The following PPP1R15B variants were observed in gnomAD, a reference collection of about 807,000 sequenced individuals.
PPP1R15B encodes protein phosphatase 1 regulatory subunit 15B.
Under a neutral mutation model 53.9 loss-of-function variants are expected in PPP1R15B, and 31 were observed. That is an observed-to-expected ratio of 0.58 (90% confidence interval 0.43 to 0.78). The LOEUF is 0.78. Ranked by LOEUF, PPP1R15B falls within the 30% of genes least tolerant of loss-of-function variation. The pLI is 0.00. For synonymous variants in PPP1R15B, 345 were observed against 329.1 expected, an observed-to-expected ratio of 1.05 and a Z score of -0.52; for missense variants, 928 against 849.6, an observed-to-expected ratio of 1.09 and a Z score of -1.15.
Position 204,404,328 on chromosome 1 carries a change from A to G in PPP1R15B, c.*1764T>C. On this transcript the variant is annotated 3_prime_UTR_variant, in exon 2 of 2. Coordinates refer to ENST00000367188, the MANE Select transcript of PPP1R15B (RefSeq NM_032833.5). ...GAAACCCCGTCTCTACTAAAAAGACACAAAAAATTAGCCGGGCGTGGTGGT... is the reference window on the plus strand; with the variant it reads ...GAAACCCCGTCTCTACTAAAAAGACGCAAAAAATTAGCCGGGCGTGGTGGT... 1.6e-6 allele frequency: 1 copy of G among 642,948 alleles called. No individual in the cohort carries two copies. The highest frequency in any genetic ancestry group is 7.9e-4 in the Middle Eastern group (1 of 1,268). 39.8% of individuals were successfully genotyped at this position (642,948 alleles called of 1,614,324 possible). A position where few individuals can be genotyped will look rare whatever the true frequency, so the allele number is the denominator to read the frequency against.
chr1:204,410,340 G>T lies in PPP1R15B; in HGVS notation c.1072C>A (p.Gln358Lys), dbSNP rs756468854. 9 of 1,614,032 alleles carry T rather than the reference G, an allele frequency of 5.6e-6. No individual in the cohort carries two copies. The highest frequency in any genetic ancestry group is 7.6e-6 in the Non-Finnish European group (9 of 1,180,028). ...TCTATTTTTTCTTCAGTGGATTCCT[G>T]GGTGTTTCCAGGAATGTCTCCAGCA... ...PAAGDIPGNT[Q>K]ESTEEKIELL... Residue 358 changes from glutamine (Q) to lysine (K), a missense_variant, in exon 1 of 2, where the codon CAG (glutamine) becomes AAG (lysine). Coordinates refer to ENST00000367188, the MANE Select transcript of PPP1R15B (RefSeq NM_032833.5).
rs372507902 is a variant in PPP1R15B, at chr1:204,410,819, C to T, written c.593G>A (p.Arg198Gln). The change falls in exon 1 of 2, where the codon CGG becomes CAG. Residue 198 changes from arginine (R) to glutamine (Q), a missense_variant. Physicochemically the swap from Arg to Gln is conservative, Grantham distance 43. Transcript: ENST00000367188. ...CCCAGAGGGCGAAGAGCCAAGTTCCCGGTTAGAGTACAGACGGGATTGAAG... is the reference window on the plus strand; with the variant it reads ...CCCAGAGGGCGAAGAGCCAAGTTCCTGGTTAGAGTACAGACGGGATTGAAG... ...SSLQSRLYSN[R>Q]ELGSSPSGPL... 6.2e-7 allele frequency: 1 copy of T among 1,614,068 alleles called. No homozygotes were observed.
At chr1:204,398,692 G>C (rs1037190849), downstream of PPP1R15B, among the ~76,000 whole-genome samples, 3 of 152,100 alleles carry the variant, frequency 2.0e-5, no homozygotes, top group African/African-American at 7.2e-5. Context: ...TGTAATAACA[G>C]GTGTCCATCA....
chr1:204,410,414 C>T lies in PPP1R15B; in HGVS notation c.998G>A (p.Arg333Gln). Residue 333 changes from arginine (R) to glutamine (Q), a missense_variant, in exon 1 of 2, where the codon CGG becomes CAG. Arg to Gln is a conservative substitution (Grantham distance 43). Transcript: ENST00000367188. ...ATCTCTGCAGTGTTTTGGATCCATC[C>T]GGAGAAGGCTGTGTTCCTCCTCCAG... ...HSLEEEHSLL[R>Q]MDPKHCRDNP... 1.2e-6 allele frequency: 2 copies of T among 1,614,180 alleles called. No individual in the cohort carries two copies. The highest frequency in any genetic ancestry group is 1.7e-6 in the Non-Finnish European group (2 of 1,180,032).
In PPP1R15B at chr1:204,403,551, C is replaced by A; in HGVS notation, c.*2541G>T. ...CTAACTTTACCTTCCTTAAATTATA[C>A]AAAAATAAAATCTGATAGTTTTGAT... On this transcript the variant is annotated 3_prime_UTR_variant, in exon 2 of 2. Transcript: ENST00000367188. 1 of 980,538 alleles carries A rather than the reference C, an allele frequency of 1.0e-6. No homozygotes were observed. The highest frequency in any genetic ancestry group is 1.2e-6 in the Non-Finnish European group (1 of 825,154). The allele number at this position is 980,538 out of a possible 1,614,324, so 60.7% of individuals were successfully genotyped here. A position where few individuals can be genotyped will look rare whatever the true frequency, so the allele number is the denominator to read the frequency against.
At position 204,410,150 on chromosome 1, in the gene PPP1R15B, C is replaced by A; in HGVS notation, c.1262G>T (p.Cys421Phe). ...GDLPISARPA[C>F]SNKLIDYILG... ...AATATAATCTATCAGTTTGTTACTA[C>A]AAGCTGGTCTGGCAGAAATGGGAAG... Residue 421 changes from cysteine to phenylalanine, a missense_variant, in exon 1 of 2, where the codon TGT becomes TTT. By Grantham distance (205) the Cys-to-Phe change is radical. Coordinates refer to ENST00000367188, the MANE Select transcript of PPP1R15B (RefSeq NM_032833.5). The A allele has an allele frequency of 6.2e-7, 1 of 1,613,986 alleles. No individual in the cohort carries two copies. Among genetic ancestry groups the A allele is most frequent in the Non-Finnish European group, 8.5e-7 (1 of 1,180,036 alleles).
At chr1:204,408,133 T>G (rs1030659776) in intron 1 of PPP1R15B, among the ~76,000 whole-genome samples, 1 of 152,222 alleles carries the variant, frequency 6.6e-6, no homozygotes, top group East Asian at 1.9e-4. Flanking sequence ...TATTATTATT[T>G]TACCCATCAA....
rs1674259315 is a variant in PPP1R15B, at chr1:204,406,079, A to G, written c.*13T>C. 1 of 1,613,748 alleles carries G rather than the reference A, an allele frequency of 6.2e-7. No individual in the cohort carries two copies. The highest frequency in any genetic ancestry group is 1.1e-5 in the South Asian group (1 of 91,082). Reference sequence around the variant, plus strand: ...GAGGTAGTGTATGCTAGCTAGGACTACAGGCTGCCAACTCAACATTGCTTG... The same window carrying G: ...GAGGTAGTGTATGCTAGCTAGGACTGCAGGCTGCCAACTCAACATTGCTTG... On this transcript the variant is annotated 3_prime_UTR_variant, in exon 2 of 2. Coordinates refer to ENST00000367188, the MANE Select transcript of PPP1R15B (RefSeq NM_032833.5).
chr1:204,404,943 C>A lies in PPP1R15B; in HGVS notation c.*1149G>T. On this transcript the variant is annotated 3_prime_UTR_variant, in exon 2 of 2. Transcript: ENST00000367188. ...TCCAGTCATTAATCTATACTTCTAT[C>A]CTTTCCTGAAAGTAAAGGCCTTGCC... 3 of 985,576 alleles carry A rather than the reference C, an allele frequency of 3.0e-6. No homozygotes were observed. The highest frequency in any genetic ancestry group is 3.6e-6 in the Non-Finnish European group (3 of 829,698). The allele number at this position is 985,576 out of a possible 1,614,324, so 61.1% of individuals were successfully genotyped here.
At position 204,409,434 on chromosome 1, in the gene PPP1R15B, T is replaced by C. The variant is rs142939989; in HGVS notation, c.1920+58A>G. The stretch of plus-strand genomic sequence containing the variant: ...AAGCCTCCAAAGTCATGCTGCTATA[T>C]TTAAGCATATAAAAACAGTCAGAAC... On this transcript the variant is annotated intron_variant, in intron 1 of 1. Coordinates refer to ENST00000367188, the MANE Select transcript of PPP1R15B (RefSeq NM_032833.5). 650 of 1,529,578 alleles carry C rather than the reference T, an allele frequency of 4.2e-4. 5 individuals are homozygous for C. In the African/African-American group the frequency reaches 7.7e-3, roughly 18 times the overall value. The allele number at this position is 1,529,578 out of a possible 1,614,324, so 94.8% of individuals were successfully genotyped here. A position where few individuals can be genotyped will look rare whatever the true frequency, so the allele number is the denominator to read the frequency against.
intron 1 of PPP1R15B, among the ~76,000 whole-genome samples, chr1:204,408,967 C>A (rs941057788): frequency 1.3e-5 from 2 of 152,128 alleles, no homozygotes; most frequent in Non-Finnish European, 2.9e-5. Context: ...AATTTCATGG[C>A]CAATTGGACC....
chr1:204,411,328 T>C lies in PPP1R15B; in HGVS notation c.84A>G (p.Arg28=). The C allele has an allele frequency of 6.2e-7, 1 of 1,614,098 alleles. No individual in the cohort carries two copies. Among genetic ancestry groups the C allele is most frequent in the Non-Finnish European group, 8.5e-7 (1 of 1,180,030 alleles). ...GGAACTTAGAAGAGCCTGCTTGCGA[T>C]CGCCGAGGGAAAAAGGGTGGCCAGA... ...FRFWPPFFPR[R]SQAGSSKFPT... is the part of the protein sequence containing the mutation. Residue 28 remains arginine, a synonymous_variant, in exon 1 of 2, where the codon CGA becomes CGG. Coordinates refer to ENST00000367188, the MANE Select transcript of PPP1R15B (RefSeq NM_032833.5).
At position 204,404,967 on chromosome 1, in the gene PPP1R15B, C is replaced by T. The variant is rs141450239; in HGVS notation, c.*1125G>A. 1.3e-4 allele frequency: 125 copies of T among 984,696 alleles called. No homozygotes were observed. In the African/African-American group the frequency reaches 2.1e-3, roughly 17 times the overall value. 61.0% of individuals were successfully genotyped at this position (984,696 alleles called of 1,614,324 possible). ...TCCTTTCCTGAAAGTAAAGGCCTTG[C>T]CATTACTTCTCTCATTATTAAATAG... is the stretch of plus-strand genomic sequence containing the variant. On this transcript the variant is annotated 3_prime_UTR_variant, in exon 2 of 2. Coordinates refer to ENST00000367188, the MANE Select transcript of PPP1R15B (RefSeq NM_032833.5).
chr1:204,400,145 G>A (rs1435235867), downstream of PPP1R15B, among the ~76,000 whole-genome samples: 1 of 151,182 alleles, frequency 6.6e-6, no homozygotes, highest in Non-Finnish European at 1.5e-5. Context: ...GCTGAGATAG[G>A]AGGATTGCCT....
rs540637528 is a variant in PPP1R15B at position 204,411,706 on chromosome 1, C to T, written c.-295G>A. The stretch of plus-strand genomic sequence containing the variant: ...TCAACACCATGGATAGGAGTCCCCC[C>T]ACGGCCTCGGCGATGGTTTTCCGAC... On this transcript the variant is annotated 5_prime_UTR_variant, in exon 1 of 2. Transcript: ENST00000367188. 1 of 486,636 alleles carries T rather than the reference C, an allele frequency of 2.1e-6. No homozygotes were observed. The highest frequency in any genetic ancestry group is 2.0e-5 in the African/African-American group (1 of 51,254). 30.1% of individuals were successfully genotyped at this position (486,636 alleles called of 1,614,324 possible).
In PPP1R15B at chr1:204,410,889, G is replaced by C. The variant is rs1482631428; in HGVS notation, c.523C>G (p.Leu175Val). ...ACTCCCCACAGCTGCTGCTCTAAGA[G>C]AAAAGCCTGTGCTGCAGGGTCCAAA... ...SALDPAAQAFLLEQQLWGVEL... is the reference protein window; with the variant it reads ...SALDPAAQAFVLEQQLWGVEL... Residue 175 changes from leucine to valine, a missense_variant, in exon 1 of 2, where the codon CTC (leucine) becomes GTC (valine). Transcript: ENST00000367188. 5.0e-6 allele frequency: 8 copies of C among 1,614,030 alleles called. No individual in the cohort carries two copies. Among genetic ancestry groups the C allele is most frequent in the Non-Finnish European group, 6.8e-6 (8 of 1,180,018 alleles).
chr1:204,408,050 TA>T (rs1674297546), intron 1 of PPP1R15B, among the ~76,000 whole-genome samples: 1 of 152,226 alleles, frequency 6.6e-6, no homozygotes, highest in Non-Finnish European at 1.5e-5. Context: ...AGCTAGCATT[TA>T]AAGGCAAGGC....
downstream of PPP1R15B, among the ~76,000 whole-genome samples, chr1:204,401,430 G>A (rs1420117110): frequency 2.6e-5 from 4 of 152,134 alleles, 1 homozygote; most frequent in Admixed American, 2.6e-4. Flanking sequence ...TAGCTAACCT[G>A]TGTATCATTA....
downstream of PPP1R15B, among the ~76,000 whole-genome samples, chr1:204,402,107 A>C (rs1674188227): frequency 6.6e-6 from 1 of 152,230 alleles, no homozygotes; most frequent in African/African-American, 2.4e-5. Context: ...ACATGCTTCA[A>C]TTAACCCCAA....
Sources: gnomAD v4.1 joint callset for allele counts (sites outside exome capture counted in the v4.1 genomes callset) on GRCh38, gnomAD v4.1.1 for gene constraint, MANE v1.5 for transcripts, NCBI Gene and HGNC (gene_info 2026-07-23, HGNC 2026-07-21) for gene names.